The following ASTN2 variants were observed in gnomAD, a reference collection of about 807,000 sequenced individuals.
ASTN2 encodes the protein astrotactin 2.
A neutral mutation model predicts 139.8 loss-of-function variants in ASTN2; 54 were observed. The ratio of observed to expected loss-of-function variants is 0.39; its 90% CI spans 0.31 to 0.48. ASTN2 has a LOEUF of 0.48. ASTN2 is among the 20% of genes least tolerant of loss of function. The pLI, the probability that ASTN2 is intolerant of heterozygous loss-of-function variation, is 0.95. For synonymous variants in ASTN2, 756 were observed against 719.5 expected (o/e 1.05, Z -0.81); for missense variants, 1,565 against 1,725.1 (o/e 0.91, Z 1.64).
At chr9:117,409,175 T>C (rs547925767) in intron 1 of ASTN2, among the ~76,000 whole-genome samples, 1 of 152,306 alleles carries the variant, frequency 6.6e-6, no homozygotes, top group African/African-American at 2.4e-5. Context: ...CATCCCAGAA[T>C]CTTTCTCTCA....
intron 20 of ASTN2, among the ~76,000 whole-genome samples, chr9:116,458,645 C>T (rs1848400376): frequency 6.6e-6 from 1 of 151,608 alleles, no homozygotes; most frequent in Non-Finnish European, 1.5e-5. Flanking sequence ...TTCCTTTGTG[C>T]AGTATTAAAA....
At chr9:117,128,237 G>A (rs1279084072) in intron 4 of ASTN2, among the ~76,000 whole-genome samples, 2 of 151,976 alleles carry the variant, frequency 1.3e-5, no homozygotes, top group East Asian at 3.9e-4. Context: ...AGCTGGGCAT[G>A]CTGGTGTGTG....
intron 5 of ASTN2, among the ~76,000 whole-genome samples, chr9:117,087,520 G>A (rs543732336): frequency 2.0e-5 from 3 of 152,176 alleles, no homozygotes; most frequent in South Asian, 2.1e-4. Flanking sequence ...GAGCCACTGC[G>A]CCTGGTCACT....
At chr9:116,895,870 T>C (rs927182812) in intron 10 of ASTN2, among the ~76,000 whole-genome samples, 3 of 152,184 alleles carry the variant, frequency 2.0e-5, no homozygotes, top group African/African-American at 7.2e-5. Flanking sequence ...ATTTTAGTCA[T>C]GTCTTTACAT....
intron 10 of ASTN2, among the ~76,000 whole-genome samples, chr9:116,960,766 A>G (rs543990448): frequency 3.8e-4 from 58 of 152,228 alleles, no homozygotes; most frequent in Non-Finnish European, 1.5e-4. Context: ...CTCCTGACCT[A>G]TACTATTCTC....
At chr9:116,615,850 T>TG (rs1409546812) in intron 19 of ASTN2, among the ~76,000 whole-genome samples, 1 of 151,986 alleles carries the variant, frequency 6.6e-6, no homozygotes, top group African/African-American at 2.4e-5. Flanking sequence ...GTTGTACACA[T>TG]GTACCCTAGA....
intron 13 of ASTN2, among the ~76,000 whole-genome samples, chr9:116,735,430 G>A (rs1477673995): frequency 6.6e-6 from 1 of 152,190 alleles, no homozygotes; most frequent in Non-Finnish European, 1.5e-5. Context: ...TTGTGAGGTG[G>A]CCTCTGGTGA....
intron 19 of ASTN2, among the ~76,000 whole-genome samples, chr9:116,530,435 C>T (rs1346583111): frequency 5.9e-5 from 9 of 151,466 alleles, no homozygotes; most frequent in South Asian, 2.1e-4. Flanking sequence ...GGTGACTATA[C>T]TTAATAATAT....
At chr9:116,594,469 A>C (rs937703889) in intron 19 of ASTN2, among the ~76,000 whole-genome samples, 1 of 152,230 alleles carries the variant, frequency 6.6e-6, no homozygotes, top group African/African-American at 2.4e-5. Flanking sequence ...TCAACTCTAC[A>C]TGTGGAGAAG....
intron 5 of ASTN2, among the ~76,000 whole-genome samples, chr9:117,043,919 A>AAAG (rs1554772526): frequency 9.6e-4 from 142 of 147,668 alleles, no homozygotes; most frequent in Admixed American, 1.1e-3. Flanking sequence ...AAAAAAAAAA[A>AAAG]AAAAGAAAAG....
intron 10 of ASTN2, among the ~76,000 whole-genome samples, chr9:116,919,131 C>G (rs372807033): frequency 1.3e-5 from 2 of 152,248 alleles, no homozygotes; most frequent in East Asian, 3.9e-4. Flanking sequence ...GGCACAGAGC[C>G]TGGCATGAGA....
chr9:116,969,295 G>T (rs1301147113), intron 10 of ASTN2, among the ~76,000 whole-genome samples: 1 of 152,276 alleles, frequency 6.6e-6, no homozygotes, highest in East Asian at 1.9e-4. Flanking sequence ...GTGATCTTGG[G>T]CAAGGTACAT....
At chr9:116,566,075 A>T (rs959924014) in intron 19 of ASTN2, among the ~76,000 whole-genome samples, 1 of 152,186 alleles carries the variant, frequency 6.6e-6, no homozygotes, top group Non-Finnish European at 1.5e-5. Flanking sequence ...CCTCTGATGG[A>T]AAGTCTGTAA....
chr9:117,004,268 T>C (rs1275682632), intron 7 of ASTN2, among the ~76,000 whole-genome samples: 1 of 152,016 alleles, frequency 6.6e-6, no homozygotes, highest in Non-Finnish European at 1.5e-5. Context: ...TATGGGCATG[T>C]GTCACCATGC....
rs541368967 is a variant in ASTN2, at chr9:116,508,127, G to C, written c.3356-20627C>G. On this transcript the variant is annotated intron_variant, in intron 19 of 22. Transcript: ENST00000313400. ...GGTGGTCTTGAACTCCCAACCTCAG[G>C]TGATCCACCCGCCTTGGCCTCCCAA... Among the ~76,000 whole-genome samples the C allele has an allele frequency of 3.3e-5, 5 of 152,242 alleles. No homozygotes were observed. The East Asian group carries it at 9.7e-4, about 29-fold the overall frequency.
intron 3 of ASTN2, among the ~76,000 whole-genome samples, chr9:117,183,896 G>C (rs1165509545): frequency 6.6e-6 from 1 of 152,122 alleles, no homozygotes; most frequent in Non-Finnish European, 1.5e-5. Flanking sequence ...GATCTTTTAT[G>C]GGTGGAGCAA....
At chr9:116,765,300 G>A (rs1829780188) in intron 13 of ASTN2, among the ~76,000 whole-genome samples, 1 of 152,142 alleles carries the variant, frequency 6.6e-6, no homozygotes, top group Non-Finnish European at 1.5e-5. Flanking sequence ...CCTGGCCCCA[G>A]AGTCGGGCTA....
intron 2 of ASTN2, among the ~76,000 whole-genome samples, chr9:117,247,838 G>A (rs1413973344): frequency 6.6e-6 from 1 of 152,214 alleles, no homozygotes; most frequent in Non-Finnish European, 1.5e-5. Flanking sequence ...TGGCACTGGG[G>A]TGCAGCAGGT....
chr9:117,062,978 G>T (rs963700014), intron 5 of ASTN2, among the ~76,000 whole-genome samples: 3 of 152,174 alleles, frequency 2.0e-5, no homozygotes, highest in Non-Finnish European at 4.4e-5. Context: ...CTCCACCAGA[G>T]CAGAGATTAG....
Sources: allele counts gnomAD v4.1 joint callset (sites outside exome capture counted in the v4.1 genomes callset), GRCh38; gene constraint gnomAD v4.1.1; transcripts MANE v1.5; gene names NCBI Gene and HGNC (gene_info 2026-07-23, HGNC 2026-07-21).